Variants in KHDRBS2 observed in about 807,000 individuals in gnomAD.
KHDRBS2 encodes KH RNA binding domain containing, signal transduction associated 2.
A neutral mutation model predicts 44.3 loss-of-function variants in KHDRBS2; 26 were observed. The observed-to-expected ratio is 0.59, with a 90% CI of 0.43 to 0.81. The LOEUF (loss-of-function observed/expected upper bound fraction) is 0.81. KHDRBS2 is among the 40% of genes least tolerant of loss of function. The pLI is 0.00. For synonymous variants in KHDRBS2, 194 were observed against 151.1 expected, an observed-to-expected ratio of 1.28 and a Z score of -2.08; for missense variants, 476 against 433.1, an observed-to-expected ratio of 1.10 and a Z score of -0.88.
intron 4 of KHDRBS2, among the ~76,000 whole-genome samples, chr6:61,905,592 T>G (rs1339215788): frequency 6.6e-6 from 1 of 152,204 alleles, no homozygotes; most frequent in Non-Finnish European, 1.5e-5. Context: ...CACATACTTG[T>G]GATAACTGAA....
In KHDRBS2 at chr6:61,743,775, C is replaced by T. The variant is rs1391022825; in HGVS notation, c.811-11011G>A. ...TAAGTATATCTCTTAATGCTATCCC[C>T]CCCCTCCCCCCACCCCACAACAGTC... On this transcript the variant is annotated intron_variant, in intron 6 of 8. Transcript: ENST00000281156. Among the ~76,000 whole-genome samples the T allele has an allele frequency of 2.3e-5, 3 of 128,704 alleles. No individual in the cohort carries two copies. In the East Asian group the frequency reaches 7.2e-4, roughly 31 times the overall value. The allele number at this position is 128,704 out of a possible 152,430, so 84.4% of individuals were successfully genotyped here. A position where few individuals can be genotyped will look rare whatever the true frequency, so the allele number is the denominator to read the frequency against.
intron 1 of KHDRBS2, among the ~76,000 whole-genome samples, chr6:62,281,181 A>T (rs1841745405): frequency 6.6e-6 from 1 of 152,200 alleles, no homozygotes; most frequent in African/African-American, 2.4e-5. Flanking sequence ...TTCATAAGGT[A>T]ATTTATTTCA....
intron 1 of KHDRBS2, among the ~76,000 whole-genome samples, chr6:62,195,634 C>T (rs1411524700): frequency 1.3e-5 from 2 of 151,992 alleles, no homozygotes; most frequent in African/African-American, 4.8e-5. Flanking sequence ...CTTTTCTGAG[C>T]TAAGGAATGA....
intron 1 of KHDRBS2, among the ~76,000 whole-genome samples, chr6:62,252,759 A>G (rs1298168371): frequency 6.6e-6 from 1 of 152,022 alleles, no homozygotes; most frequent in Admixed American, 6.6e-5. Flanking sequence ...AAAATATTCT[A>G]TTTCTAAAAC....
intron 6 of KHDRBS2, among the ~76,000 whole-genome samples, chr6:61,834,010 A>C (rs1402008827): frequency 6.6e-6 from 1 of 152,080 alleles, no homozygotes; most frequent in Admixed American, 6.6e-5. Flanking sequence ...ACATTTGATA[A>C]ATACTGATGA....
chr6:61,892,701 G>T (rs1165175888), intron 6 of KHDRBS2, among the ~76,000 whole-genome samples: 1 of 152,204 alleles, frequency 6.6e-6, no homozygotes, highest in Non-Finnish European at 1.5e-5. Context: ...CTAGCCATAT[G>T]TAGAAAGCTG....
intron 1 of KHDRBS2, among the ~76,000 whole-genome samples, chr6:62,266,664 CTG>C (rs1563159875): frequency 6.6e-6 from 1 of 151,914 alleles, no homozygotes; most frequent in African/African-American, 2.4e-5. Context: ...TTGTAAGACA[CTG>C]TGCACCTCTT....
Position 61,938,882 on chromosome 6 carries a change from C to T in KHDRBS2, c.484-37511G>A, listed in dbSNP as rs140809658. ...CAGTGCAAATATAAAGATGTTGCACCAAGTGTCCTCCTCAAGGGCAGTACA... is the reference window on the plus strand; with the variant it reads ...CAGTGCAAATATAAAGATGTTGCACTAAGTGTCCTCCTCAAGGGCAGTACA... On this transcript the variant is annotated intron_variant, in intron 4 of 8. Coordinates refer to ENST00000281156, the MANE Select transcript of KHDRBS2 (RefSeq NM_152688.4). Among the ~76,000 whole-genome samples, 670 of 152,010 alleles carry T rather than the reference C, an allele frequency of 4.4e-3. 2 individuals carry two copies. Among genetic ancestry groups the T allele is most frequent in the Non-Finnish European group, 7.7e-3 (521 of 67,952 alleles).
intron 2 of KHDRBS2, among the ~76,000 whole-genome samples, chr6:62,174,319 A>G (rs1820669722): frequency 6.6e-6 from 1 of 151,702 alleles, no homozygotes; most frequent in South Asian, 2.1e-4. Flanking sequence ...ATGGCCATAA[A>G]AAAACTAGAA....
intron 3 of KHDRBS2, among the ~76,000 whole-genome samples, chr6:62,032,879 A>C (rs1226210371): frequency 1.3e-5 from 2 of 151,964 alleles, no homozygotes; most frequent in African/African-American, 4.8e-5. Context: ...AAGGAACCAA[A>C]GATCAATCCT....
chr6:62,022,624 T>C (rs1782556395), intron 3 of KHDRBS2, among the ~76,000 whole-genome samples: 1 of 151,784 alleles, frequency 6.6e-6, no homozygotes, highest in Non-Finnish European at 1.5e-5. Context: ...TCTTTTCTAT[T>C]GTTAATTTCA....
chr6:61,922,359 T>C (rs1319517706), intron 4 of KHDRBS2, among the ~76,000 whole-genome samples: 1 of 152,020 alleles, frequency 6.6e-6, no homozygotes, highest in Non-Finnish European at 1.5e-5. Flanking sequence ...GTAATCTAGG[T>C]AGAGTCCAGC....
At chr6:61,627,243 A>T in the KHDRBS2 span, among the ~76,000 whole-genome samples, 1 of 99,080 alleles carries the variant, frequency 1.0e-5, no homozygotes, top group Non-Finnish European at 1.9e-5. Context: ...ACAGAGCGAG[A>T]CTCCGTCTCA....
At chr6:62,255,380 C>G (rs1837200270) in intron 1 of KHDRBS2, among the ~76,000 whole-genome samples, 1 of 151,958 alleles carries the variant, frequency 6.6e-6, no homozygotes, top group Non-Finnish European at 1.5e-5. Context: ...CAACATTATT[C>G]TAAGCACTAA....
the KHDRBS2 span, among the ~76,000 whole-genome samples, chr6:61,613,168 C>T: frequency 6.6e-6 from 1 of 151,958 alleles, no homozygotes; most frequent in Non-Finnish European, 1.5e-5. Context: ...TAGCTTTTTA[C>T]GTATTTGTTT....
chr6:61,781,568 A>G (rs1306551962), intron 6 of KHDRBS2, among the ~76,000 whole-genome samples: 2 of 152,302 alleles, frequency 1.3e-5, no homozygotes, highest in African/African-American at 4.8e-5. Flanking sequence ...TTCATTTTTT[A>G]TAACCTTTTC....
At chr6:61,782,734 TATATAC>T (rs1413263982) in intron 6 of KHDRBS2, among the ~76,000 whole-genome samples, 3 of 93,908 alleles carry the variant, frequency 3.2e-5, no homozygotes, top group African/African-American at 7.2e-5. Flanking sequence ...TATATATATA[TATATAC>T]ACACACACAT....
At chr6:62,216,688 T>C (rs1416278536) in intron 1 of KHDRBS2, among the ~76,000 whole-genome samples, 3 of 106,268 alleles carry the variant, frequency 2.8e-5, no homozygotes, top group South Asian at 3.1e-4. Flanking sequence ...AACATATTTC[T>C]TTCTCCTCTT....
intron 6 of KHDRBS2, among the ~76,000 whole-genome samples, chr6:61,815,408 GA>G (rs1788756851): frequency 6.6e-6 from 1 of 152,128 alleles, no homozygotes; most frequent in African/African-American, 2.4e-5. Flanking sequence ...CCACAAATAA[GA>G]AGGAACTACG....
Sources: allele counts gnomAD v4.1 joint callset (sites outside exome capture counted in the v4.1 genomes callset), GRCh38; gene constraint gnomAD v4.1.1; transcripts MANE v1.5; gene names NCBI Gene and HGNC (gene_info 2026-07-23, HGNC 2026-07-21).